Variants in TRPC7 observed in about 807,000 individuals in gnomAD.
TRPC7 encodes transient receptor potential cation channel subfamily C member 7.
TRPC7 carries 42 observed loss-of-function variants against 90.1 expected under a neutral mutation model. The observed-to-expected ratio is 0.47, with a 90% CI of 0.36 to 0.60. The LOEUF (loss-of-function observed/expected upper bound fraction) is 0.60, where lower values mean the gene tolerates loss of function less well. TRPC7 is among the 20% of genes least tolerant of loss of function. The pLI is 0.00. For missense variants in TRPC7, 955 were observed against 1,112.3 expected, an observed-to-expected ratio of 0.86 and a Z score of 2.01; for synonymous variants, 451 against 436.3, an observed-to-expected ratio of 1.03 and a Z score of -0.42.
intron 4 of TRPC7, among the ~76,000 whole-genome samples, chr5:136,272,412 C>T (rs1757237470): frequency 6.6e-6 from 1 of 152,194 alleles, no homozygotes; most frequent in Admixed American, 6.5e-5. Flanking sequence ...GAAAAGATTT[C>T]TTTCTAAATG....
intron 1 of TRPC7, among the ~76,000 whole-genome samples, chr5:136,362,515 C>T (rs919615234): frequency 2.0e-4 from 31 of 152,290 alleles, no homozygotes; most frequent in African/African-American, 7.5e-4. Flanking sequence ...GAACATGACA[C>T]ATTTGAGAAC....
chr5:136,304,396 C>T (rs147753465), intron 3 of TRPC7, among the ~76,000 whole-genome samples: 1 of 21,664 alleles, frequency 4.6e-5, no homozygotes, highest in Non-Finnish European at 8.5e-5. Context: ...CCTTACCATT[C>T]CCCCATTTTA....
At chr5:136,362,086 C>T (rs1229365124) in intron 1 of TRPC7, among the ~76,000 whole-genome samples, 1 of 152,070 alleles carries the variant, frequency 6.6e-6, no homozygotes, top group Admixed American at 6.6e-5. Context: ...ATATACTCAG[C>T]TTAGCTATTT....
intron 3 of TRPC7, among the ~76,000 whole-genome samples, chr5:136,305,663 G>A (rs942236546): frequency 6.6e-6 from 1 of 152,132 alleles, no homozygotes; most frequent in Non-Finnish European, 1.5e-5. Flanking sequence ...CTTCCCTTCT[G>A]TCAGACATAA....
At chr5:136,233,660 T>C (rs1684062802) in intron 7 of TRPC7, among the ~76,000 whole-genome samples, 1 of 152,206 alleles carries the variant, frequency 6.6e-6, no homozygotes, top group African/African-American at 2.4e-5. Flanking sequence ...ACACTTGTCA[T>C]GGACCAACAA....
chr5:136,357,079 C>T lies in TRPC7; in HGVS notation c.309G>A (p.Leu103=), dbSNP rs369841454. The T allele has an allele frequency of 6.2e-7, 1 of 1,613,890 alleles. No individual in the cohort carries two copies. The highest frequency in any genetic ancestry group is 8.5e-7 in the Non-Finnish European group (1 of 1,179,956). The part of the protein sequence containing the change: ...VTELLLKKEN[L]ARVGDALLLA... ...GCAGCAGCGCGTCCCCCACCCGTGC[C>T]AGGTTCTCCTTCTTCAGCAGCAGCT... is the stretch of plus-strand genomic sequence containing the variant. Residue 103 remains leucine, a synonymous_variant, in exon 2 of 12, where the codon CTG becomes CTA. Coordinates refer to ENST00000513104, the MANE Select transcript of TRPC7 (RefSeq NM_020389.3).
chr5:136,360,283 T>C (rs968666642), intron 1 of TRPC7, among the ~76,000 whole-genome samples: 8 of 131,658 alleles, frequency 6.1e-5, no homozygotes, highest in African/African-American at 2.5e-4. Context: ...ATTCCACTCA[T>C]TACAAAACAA....
At chr5:136,301,108 C>T (rs1249685016) in intron 3 of TRPC7, among the ~76,000 whole-genome samples, 1 of 152,132 alleles carries the variant, frequency 6.6e-6, no homozygotes, top group African/African-American at 2.4e-5. Flanking sequence ...CAGCTCACTG[C>T]AACCTCTGCC....
intron 8 of TRPC7, among the ~76,000 whole-genome samples, chr5:136,226,669 T>C (rs1432808848): frequency 1.3e-5 from 2 of 152,244 alleles, no homozygotes; most frequent in Admixed American, 6.5e-5. Context: ...AAAGAAGTGC[T>C]GCTCACTAGA....
At chr5:136,216,126 G>A in intron 11 of TRPC7, 74 bp downstream of exon 11, 1 of 1,243,052 alleles carries the variant, frequency 8.0e-7, no homozygotes, top group East Asian at 2.5e-5. Context: ...ACAACACTGT[G>A]GCCGTAGCCC....
intron 2 of TRPC7, among the ~76,000 whole-genome samples, chr5:136,327,405 C>T (rs930701643): frequency 9.9e-5 from 15 of 152,144 alleles, no homozygotes; most frequent in African/African-American, 4.8e-5. Flanking sequence ...GGGGGCAAAA[C>T]CACCTCCACT....
chr5:136,266,459 A>G (rs1258722915), intron 4 of TRPC7, 23 bp from the exon 5 acceptor site: 1 of 1,599,818 alleles, frequency 6.3e-7, no homozygotes, highest in Non-Finnish European at 8.5e-7. Context: ...TGTGTTCAAG[A>G]CATGTTAAAC....
Position 136,274,745 on chromosome 5 carries a change from G to C in TRPC7, c.1056C>G (p.Phe352Leu), listed in dbSNP as rs1757306707. Residue 352 changes from phenylalanine (F) to leucine (L), a missense_variant, in exon 4 of 12, where the codon TTC (phenylalanine) becomes TTG (leucine). Physicochemically the swap from Phe to Leu is conservative, Grantham distance 22. Coordinates refer to ENST00000513104, the MANE Select transcript of TRPC7 (RefSeq NM_020389.3). ...GLRQQSIAVK[F>L]LAVFGVSIGL... is the part of the protein sequence containing the mutation. Reference sequence around the variant, plus strand: ...CTATGGAGACTCCAAAGACAGCCAGGAATTTCACAGCGATAGACTGTTGAC... The same window carrying C: ...CTATGGAGACTCCAAAGACAGCCAGCAATTTCACAGCGATAGACTGTTGAC... 1.9e-6 allele frequency: 3 copies of C among 1,612,130 alleles called. No homozygotes were observed. The highest frequency in any genetic ancestry group is 2.5e-6 in the Non-Finnish European group (3 of 1,179,260).
intron 3 of TRPC7, among the ~76,000 whole-genome samples, chr5:136,290,632 G>T (rs1033810474): frequency 6.6e-6 from 1 of 152,196 alleles, no homozygotes; most frequent in Non-Finnish European, 1.5e-5. Context: ...CAAGAAATAT[G>T]GGACTATGTG....
At chr5:136,298,456 C>A (rs1296419682) in intron 3 of TRPC7, among the ~76,000 whole-genome samples, 1 of 152,110 alleles carries the variant, frequency 6.6e-6, no homozygotes, top group African/African-American at 2.4e-5. Context: ...CTTTAGGGGG[C>A]AAAAAGATGC....
At chr5:136,261,523 G>T (rs1756857521) in intron 5 of TRPC7, among the ~76,000 whole-genome samples, 1 of 152,132 alleles carries the variant, frequency 6.6e-6, no homozygotes, top group South Asian at 2.1e-4. Context: ...TGCCTACTCA[G>T]GTACTTTGCT....
intron 2 of TRPC7, 151 bp downstream of exon 2, chr5:136,356,457 T>G: frequency 2.7e-6 from 2 of 733,916 alleles, no homozygotes; most frequent in Non-Finnish European, 4.1e-6. Context: ...CTCTGATAAG[T>G]GAGATGTGTT....
chr5:136,351,625 CACA>C (rs1760198744), intron 2 of TRPC7, among the ~76,000 whole-genome samples: 3 of 152,150 alleles, frequency 2.0e-5, no homozygotes, highest in South Asian at 2.1e-4. Flanking sequence ...TGAGCCCTGG[CACA>C]ACAAGACAAA....
chr5:136,335,699 C>G (rs577732841), intron 2 of TRPC7, among the ~76,000 whole-genome samples: 1 of 151,538 alleles, frequency 6.6e-6, no homozygotes. Context: ...GTCAGGAGAT[C>G]GAGACCATCC....
Sources: allele counts gnomAD v4.1 joint callset (sites outside exome capture counted in the v4.1 genomes callset), GRCh38; gene constraint gnomAD v4.1.1; transcripts MANE v1.5; gene names NCBI Gene and HGNC (gene_info 2026-07-23, HGNC 2026-07-21).